MRTFA: variants seen among roughly 807,000 people sequenced by gnomAD.
MRTFA encodes the protein myocardin-related transcription factor A.
Under a neutral mutation model 83.5 loss-of-function variants are expected in MRTFA, and 20 were observed. That is an observed-to-expected ratio of 0.24 (90% CI 0.17 to 0.35). MRTFA has a LOEUF of 0.35. Ranked by LOEUF, MRTFA falls within the 10% of genes least tolerant of loss-of-function variation. The pLI, the probability that MRTFA is intolerant of heterozygous loss-of-function variation, is 1.00. For synonymous variants in MRTFA, 659 were observed against 541.2 expected (o/e 1.22, Z -3.02); for missense variants, 1,200 against 1,224.7 (o/e 0.98, Z 0.30).
chr22:40,420,749 C>A (rs2147073347), intron 10 of MRTFA, 98 bp downstream of exon 10: 3 of 1,569,042 alleles, frequency 1.9e-6, no homozygotes, highest in East Asian at 4.5e-5. Context: ...CCAGCGGGTC[C>A]TTAAAGATGT....
At chr22:40,490,873 T>C (rs1222928913) in intron 3 of MRTFA, among the ~76,000 whole-genome samples, 3 of 152,244 alleles carry the variant, frequency 2.0e-5, no homozygotes, top group Admixed American at 6.5e-5. Flanking sequence ...GAAGAAAATA[T>C]TGACAATTCT....
intron 2 of MRTFA, among the ~76,000 whole-genome samples, chr22:40,583,243 T>C (rs1303851285): frequency 2.0e-5 from 3 of 152,140 alleles, no homozygotes; most frequent in Non-Finnish European, 2.9e-5. Context: ...CTATGATATT[T>C]AGTGAAAAAC....
intron 14 of MRTFA, chr22:40,415,189 AAT>A (rs1378891861): frequency 6.6e-6 from 1 of 152,324 alleles, no homozygotes; most frequent in Non-Finnish European, 1.5e-5. Flanking sequence ...CTTCTTGAAC[AAT>A]ATCTCTGGGG....
intron 2 of MRTFA, among the ~76,000 whole-genome samples, chr22:40,564,314 G>A (rs1367823347): frequency 3.3e-5 from 5 of 152,276 alleles, no homozygotes; most frequent in South Asian, 2.1e-4. Flanking sequence ...TTAGGTACAC[G>A]AGAAGGAAAA....
At chr22:40,533,364 GAATA>G (rs1313240821) in intron 3 of MRTFA, among the ~76,000 whole-genome samples, 1 of 152,094 alleles carries the variant, frequency 6.6e-6, no homozygotes, top group Non-Finnish European at 1.5e-5. Flanking sequence ...CTCCGCAACT[GAATA>G]ATCTTAAAAC....
At chr22:40,511,036 G>T (rs545267663) in intron 3 of MRTFA, among the ~76,000 whole-genome samples, 1 of 152,294 alleles carries the variant, frequency 6.6e-6, no homozygotes, top group African/African-American at 2.4e-5. Context: ...AGAAATGGAA[G>T]AATTCTGAGC....
At chr22:40,526,593 G>A (rs1306063093) in intron 3 of MRTFA, 1 of 152,160 alleles carries the variant, frequency 6.6e-6, no homozygotes, top group Non-Finnish European at 1.5e-5. Context: ...CTTTTTCAGT[G>A]AATGAGAATA....
intron 3 of MRTFA, among the ~76,000 whole-genome samples, chr22:40,491,959 C>T (rs1306521117): frequency 6.6e-6 from 1 of 152,178 alleles, no homozygotes; most frequent in African/African-American, 2.4e-5. Context: ...CAAAAGCATG[C>T]AAATCCCAAA....
At chr22:40,588,786 AC>A (rs2056071291) in intron 2 of MRTFA, among the ~76,000 whole-genome samples, 1 of 152,156 alleles carries the variant, frequency 6.6e-6, no homozygotes, top group Admixed American at 6.5e-5. Flanking sequence ...GTTCGAGACC[AC>A]CCTGGGAAAC....
At chr22:40,420,718 G>C (rs1431766968) in intron 10 of MRTFA, 129 bp downstream of exon 10, 2 of 1,536,276 alleles carry the variant, frequency 1.3e-6, no homozygotes, top group Non-Finnish European at 1.8e-6. Context: ...CCTGCCTGCA[G>C]ACCACTCTGT....
chr22:40,507,001 T>C (rs904859100), intron 3 of MRTFA, among the ~76,000 whole-genome samples: 3 of 152,196 alleles, frequency 2.0e-5, no homozygotes, highest in Non-Finnish European at 2.9e-5. Flanking sequence ...TAGGATACAT[T>C]ACGGTCTCCA....
chr22:40,586,732 G>GTT, intron 2 of MRTFA: 3 of 283,170 alleles, frequency 1.1e-5, no homozygotes, highest in Admixed American at 4.7e-5. Flanking sequence ...TCTGTGGTAG[G>GTT]TTTTTTTTTC....
chr22:40,435,468 G>T (rs1242715714), intron 5 of MRTFA, 31 bp downstream of exon 5: 1 of 1,610,474 alleles, frequency 6.2e-7, no homozygotes, highest in Admixed American at 1.7e-5. Context: ...ATGCTCTTTG[G>T]GAGTTCTGAG....
intron 1 of MRTFA, among the ~76,000 whole-genome samples, chr22:40,623,469 C>T: frequency 6.6e-6 from 1 of 150,512 alleles, no homozygotes. Flanking sequence ...TATCCCTCCC[C>T]CCTCCCCCAA....
intron 3 of MRTFA, among the ~76,000 whole-genome samples, chr22:40,481,688 A>G (rs2054093523): frequency 6.6e-6 from 1 of 152,162 alleles, no homozygotes; most frequent in African/African-American, 2.4e-5. Context: ...TGATCTGGAG[A>G]GTATTCCAGA....
intron 2 of MRTFA, among the ~76,000 whole-genome samples, chr22:40,579,533 C>T (rs2055915180): frequency 6.6e-6 from 1 of 152,082 alleles, no homozygotes; most frequent in South Asian, 2.1e-4. Flanking sequence ...CAGTATAATG[C>T]TTAGCAAGCA....
At chr22:40,530,678 T>A (rs940944898) in intron 3 of MRTFA, among the ~76,000 whole-genome samples, 2 of 152,276 alleles carry the variant, frequency 1.3e-5, no homozygotes, top group Non-Finnish European at 2.9e-5. Context: ...AAGCTCTAAC[T>A]GTGGTTTGAT....
chr22:40,522,188 C>A (rs888637907), intron 3 of MRTFA: 1 of 152,136 alleles, frequency 6.6e-6, no homozygotes, highest in Admixed American at 6.5e-5. Flanking sequence ...ATAGCCAGTT[C>A]TTTCCTGATT....
intron 1 of MRTFA, among the ~76,000 whole-genome samples, chr22:40,634,125 C>A (rs543669245): frequency 6.6e-6 from 1 of 151,626 alleles, no homozygotes; most frequent in African/African-American, 2.4e-5. Flanking sequence ...AGGGTCTCAC[C>A]GCACATTCAG....
Sources: gnomAD v4.1 joint callset for allele counts (sites outside exome capture counted in the v4.1 genomes callset) on GRCh38, gnomAD v4.1.1 for gene constraint, MANE v1.5 for transcripts, NCBI Gene and HGNC (gene_info 2026-07-23, HGNC 2026-07-21) for gene names.